Variants in LRP1B observed in about 807,000 individuals in gnomAD.
The protein encoded by LRP1B is low-density lipoprotein receptor-related protein 1B.
In LRP1B, 217 loss-of-function variants were observed where a neutral mutation model predicts 556.6. The ratio of observed to expected loss-of-function variants is 0.39; its 90% CI spans 0.35 to 0.44. LRP1B has a LOEUF of 0.44. Ranked by LOEUF, LRP1B falls within the 20% of genes least tolerant of loss-of-function variation. The pLI is 1.00. For missense variants in LRP1B, 5,053 were observed against 5,620.8 expected, an observed-to-expected ratio of 0.90 and a Z score of 3.23; for synonymous variants, 2,047 against 1,865.8, an observed-to-expected ratio of 1.10 and a Z score of -2.50.
intron 2 of LRP1B, among the ~76,000 whole-genome samples, chr2:141,488,941 A>G (rs571332440): frequency 1.3e-5 from 2 of 149,312 alleles, no homozygotes; most frequent in African/African-American, 4.9e-5. Context: ...ACCTGATTTT[A>G]AGTGTGTTCT....
chr2:140,556,358 C>T (rs1574076038), intron 43 of LRP1B, among the ~76,000 whole-genome samples: 1 of 151,996 alleles, frequency 6.6e-6, no homozygotes, highest in African/African-American at 2.4e-5. Flanking sequence ...AAGGGAATGT[C>T]GCACAGTGAC....
At chr2:140,969,159 G>A (rs1190176052) in intron 18 of LRP1B, among the ~76,000 whole-genome samples, 2 of 152,170 alleles carry the variant, frequency 1.3e-5, no homozygotes, top group Non-Finnish European at 2.9e-5. Flanking sequence ...TATTCTGTGG[G>A]AGTCTAAGTC....
At chr2:141,609,810 CCT>C (rs1462384683) in intron 2 of LRP1B, among the ~76,000 whole-genome samples, 1 of 152,172 alleles carries the variant, frequency 6.6e-6, no homozygotes, top group African/African-American at 2.4e-5. Flanking sequence ...CCTAAATATT[CCT>C]CTCTGCCTGC....
intron 3 of LRP1B, among the ~76,000 whole-genome samples, chr2:141,255,634 C>G (rs1218502515): frequency 6.6e-6 from 1 of 151,998 alleles, no homozygotes; most frequent in African/African-American, 2.4e-5. Flanking sequence ...ATCTTCACTT[C>G]TTAAAACTGC....
chr2:140,313,595 TCA>T (rs1684397850), intron 83 of LRP1B, among the ~76,000 whole-genome samples: 2 of 152,066 alleles, frequency 1.3e-5, no homozygotes, highest in Admixed American at 1.3e-4. Flanking sequence ...TTTCATTATC[TCA>T]ATGAGAAAAT....
chr2:142,127,139 C>A (rs1430056831), intron 1 of LRP1B, among the ~76,000 whole-genome samples: 1 of 151,812 alleles, frequency 6.6e-6, no homozygotes, highest in Non-Finnish European at 1.5e-5. Context: ...AATTCTAGCA[C>A]AGTTAATATT....
rs1553461490 is a variant in LRP1B, at chr2:141,112,071, T to TAAATACATAATAAATAAATAAATA, written c.1014-49799_1014-49798insTATTTATTTATTTATTATGTATTT. ...AAAAATAAATAAATAAATAAATAAA[T>TAAATACATAATAAATAAATAAATA]AATAAATAAATAAATAAATAAATAA... On this transcript the variant is annotated intron_variant, in intron 7 of 90. Coordinates refer to ENST00000389484, the MANE Select transcript of LRP1B (RefSeq NM_018557.3). Among the ~76,000 whole-genome samples, 3 of 145,822 alleles carry TAAATACATAATAAATAAATAAATA rather than the reference T, an allele frequency of 2.1e-5. No homozygotes were observed. In the East Asian group the frequency reaches 6.0e-4, roughly 29 times the overall value.
intron 3 of LRP1B, among the ~76,000 whole-genome samples, chr2:141,425,217 A>G (rs1028816891): frequency 4.6e-5 from 7 of 151,578 alleles, no homozygotes; most frequent in African/African-American, 9.7e-5. Context: ...ATGATTTCCA[A>G]TTTCATCCAT....
At chr2:142,114,019 G>A (rs1449485) in intron 1 of LRP1B, among the ~76,000 whole-genome samples, 65,730 of 151,862 alleles carry the variant, frequency 0.43, 16,074 homozygotes, top group East Asian at 0.69. Flanking sequence ...TGACTGGTCC[G>A]AAACATTAAA....
chr2:141,488,907 A>G (rs1454932122), intron 2 of LRP1B, among the ~76,000 whole-genome samples: 3 of 151,960 alleles, frequency 2.0e-5, no homozygotes, highest in Admixed American at 6.6e-5. Context: ...TAAGTTATAC[A>G]TGAAGATTTC....
intron 2 of LRP1B, among the ~76,000 whole-genome samples, chr2:141,695,445 C>T (rs930963653): frequency 2.4e-4 from 36 of 151,912 alleles, no homozygotes; most frequent in African/African-American, 8.2e-4. Flanking sequence ...ACAAGTTCTT[C>T]ATGGAGACTA....
chr2:141,691,844 C>G (rs1373167395), intron 2 of LRP1B, among the ~76,000 whole-genome samples: 2 of 151,950 alleles, frequency 1.3e-5, no homozygotes, highest in African/African-American at 2.4e-5. Flanking sequence ...TCCATCTGCC[C>G]CTGTACCTCT....
chr2:141,280,808 T>G (rs1344369076), intron 3 of LRP1B, among the ~76,000 whole-genome samples: 1 of 152,024 alleles, frequency 6.6e-6, no homozygotes, highest in Non-Finnish European at 1.5e-5. Context: ...AAAACTAGAC[T>G]GAAAAGAATC....
At chr2:141,624,714 C>T (rs1316857756) in intron 2 of LRP1B, among the ~76,000 whole-genome samples, 2 of 152,098 alleles carry the variant, frequency 1.3e-5, no homozygotes, top group Non-Finnish European at 2.9e-5. Context: ...TTTCCTATCT[C>T]ATTTTTACAA....
At chr2:141,603,488 G>A (rs371574649) in intron 2 of LRP1B, among the ~76,000 whole-genome samples, 1 of 152,016 alleles carries the variant, frequency 6.6e-6, no homozygotes, top group Non-Finnish European at 1.5e-5. Flanking sequence ...CTTGTATCAG[G>A]GGATACAGAT....
intron 2 of LRP1B, among the ~76,000 whole-genome samples, chr2:141,598,836 C>T (rs1419553744): frequency 6.6e-6 from 1 of 151,974 alleles, no homozygotes; most frequent in Non-Finnish European, 1.5e-5. Context: ...GACACAATTT[C>T]TTTTAAGTAG....
intron 41 of LRP1B, chr2:140,683,554 A>G: frequency 1.5e-6 from 1 of 655,622 alleles, no homozygotes; most frequent in South Asian, 1.5e-5. Context: ...TCTGCTTTCA[A>G]CTCCAAGTCC....
intron 41 of LRP1B, among the ~76,000 whole-genome samples, chr2:140,630,759 C>A (rs1683852063): frequency 1.3e-5 from 2 of 152,172 alleles, no homozygotes; most frequent in African/African-American, 4.8e-5. Context: ...AGAACTTACT[C>A]AGCAAATAAC....
chr2:140,390,155 T>A (rs1421994421), intron 66 of LRP1B, among the ~76,000 whole-genome samples: 1 of 150,958 alleles, frequency 6.6e-6, no homozygotes, highest in Non-Finnish European at 1.5e-5. Context: ...GAAAAAAAAA[T>A]GGAAATGCAA....
Sources: gnomAD v4.1 joint callset for allele counts (sites outside exome capture counted in the v4.1 genomes callset) on GRCh38, gnomAD v4.1.1 for gene constraint, MANE v1.5 for transcripts, NCBI Gene and HGNC (gene_info 2026-07-23, HGNC 2026-07-21) for gene names.